POLR2L: variants seen among roughly 807,000 people sequenced by gnomAD.
POLR2L encodes the protein RNA polymerase II, I and III subunit L.
A neutral mutation model predicts 6.8 loss-of-function variants in POLR2L; 7 were observed. The ratio of observed to expected loss-of-function variants is 1.03; its 90% CI spans 0.59 to 1.94. The LOEUF (loss-of-function observed/expected upper bound fraction) is 1.94, where lower values mean the gene tolerates loss of function less well. Ranked by LOEUF, POLR2L falls within the 30% of genes most tolerant of loss-of-function variation. The pLI is 0.00. For synonymous variants in POLR2L, 59 were observed against 39.8 expected (o/e 1.48, Z -1.82); for missense variants, 93 against 86.7 (o/e 1.07, Z -0.29).
chr11:840,528 C>T (rs892069629), intron 1 of POLR2L, 48 bp from the exon 2 acceptor site: 1 of 1,353,218 alleles, frequency 7.4e-7, no homozygotes, highest in Non-Finnish European at 1.1e-6. Flanking sequence ...CTACGGTCTG[C>T]AAAGGCCTGG....
chr11:841,755 C>T (rs1168641725), intron 1 of POLR2L, among the ~76,000 whole-genome samples: 2 of 151,764 alleles, frequency 1.3e-5, no homozygotes, highest in Non-Finnish European at 2.9e-5. Context: ...AAAAATTAGC[C>T]GGGCGTGGTG....
intron 1 of POLR2L, among the ~76,000 whole-genome samples, chr11:840,950 C>G (rs1846949163): frequency 6.6e-6 from 1 of 152,132 alleles, no homozygotes; most frequent in East Asian, 1.9e-4. Flanking sequence ...CCTCTGCTTC[C>G]TTCCATCAGA....
Position 842,470 on chromosome 11 carries a change from G to T in POLR2L, c.39C>A (p.Ile13=). The T allele has an allele frequency of 6.3e-7, 1 of 1,596,598 alleles. No homozygotes were observed. Among genetic ancestry groups the T allele is most frequent in the Non-Finnish European group, 8.5e-7 (1 of 1,173,232 alleles). The change falls in exon 1 of 2, where the codon ATC becomes ATA. Residue 13 remains isoleucine (I), a synonymous_variant. Transcript: ENST00000322028. ...IPVRCFTCGK[I]VGNKWEAYLG... ...GGTAAGCCTCCCACTTGTTGCCGACGATCTTGCCACAAGTGAAGCAGCGTA... is the reference window on the plus strand; with the variant it reads ...GGTAAGCCTCCCACTTGTTGCCGACTATCTTGCCACAAGTGAAGCAGCGTA...
rs372609799 is a variant in POLR2L, at chr11:840,456, C to G, written c.120G>C (p.Leu40=). ...TEGDALDALG[L]KRYCCRRMLL... is the part of the protein sequence containing the mutation. ...GCATCCGGCGGCAGCAGTAGCGCTT[C>G]AGGCCCAGGGCATCCAGCGCATCCC... The change falls in exon 2 of 2, where the codon CTG becomes CTC. Residue 40 remains leucine (L), a synonymous_variant. Coordinates refer to ENST00000322028, the MANE Select transcript of POLR2L (RefSeq NM_021128.5). The G allele has an allele frequency of 1.9e-6, 3 of 1,611,430 alleles. No homozygotes were observed. In the African/African-American group the frequency reaches 4.0e-5, roughly 22 times the overall value.
chr11:840,508 A>G (rs936160463), intron 1 of POLR2L, 28 bp from the exon 2 acceptor site: 1 of 1,489,352 alleles, frequency 6.7e-7, no homozygotes, highest in Non-Finnish European at 9.3e-7. Context: ...GCAGAGGCCA[A>G]CTGAGTTCTC....
intron 1 of POLR2L, 107 bp from the exon 2 acceptor site, chr11:840,587 G>A (rs79932286): frequency 3.4e-5 from 24 of 709,884 alleles, no homozygotes; most frequent in Admixed American, 2.0e-4. Context: ...CACCCCCCCC[G>A]CCACCGGCAA....
intron 1 of POLR2L, among the ~76,000 whole-genome samples, chr11:841,760 G>T (rs527639829): frequency 6.6e-6 from 1 of 152,174 alleles, no homozygotes; most frequent in South Asian, 2.1e-4. Flanking sequence ...TTAGCCGGGC[G>T]TGGTGGCACA....
chr11:841,992 C>T (rs958467325), intron 1 of POLR2L, among the ~76,000 whole-genome samples: 3 of 152,246 alleles, frequency 2.0e-5, no homozygotes, highest in Non-Finnish European at 4.4e-5. Context: ...AAGCAAGCCT[C>T]TCGCCTCGGC....
chr11:842,412 A>G lies in POLR2L; in HGVS notation c.95+2T>C. 1 of 1,569,858 alleles carries G rather than the reference A, an allele frequency of 6.4e-7. No individual in the cohort carries two copies. The highest frequency in any genetic ancestry group is 1.8e-5 in the Admixed American group (1 of 54,928). ...AGCCCCTAGCCCCGGCCCGCGCCTCACCCCTCGGTGTACTCGGCCTGCAGC... is the reference window on the plus strand; with the variant it reads ...AGCCCCTAGCCCCGGCCCGCGCCTCGCCCCTCGGTGTACTCGGCCTGCAGC... On this transcript the variant is annotated splice_donor_variant, in intron 1 of 1. Transcript: ENST00000322028. LOFTEE classifies it high-confidence loss of function.
chr11:840,566 C>T, intron 1 of POLR2L, 86 bp from the exon 2 acceptor site: 1 of 887,876 alleles, frequency 1.1e-6, no homozygotes, highest in South Asian at 1.4e-5. Flanking sequence ...CCTCTCACTG[C>T]CTGCTGGCCT....
At chr11:842,359 G>C in intron 1 of POLR2L, 55 bp downstream of exon 1, 1 of 1,387,446 alleles carries the variant, frequency 7.2e-7, no homozygotes, top group East Asian at 2.9e-5. Flanking sequence ...TCAGCCCCCA[G>C]CCCCGGCCCG....
At chr11:841,126 T>A (rs1041686579) in intron 1 of POLR2L, among the ~76,000 whole-genome samples, 1 of 152,190 alleles carries the variant, frequency 6.6e-6, no homozygotes, top group East Asian at 1.9e-4. Flanking sequence ...GGAGGCCACA[T>A]GGGAGGCCCC....
At chr11:842,222 G>A (rs1846990812) in intron 1 of POLR2L, among the ~76,000 whole-genome samples, 192 bp downstream of exon 1, 2 of 152,224 alleles carry the variant, frequency 1.3e-5, no homozygotes, top group Non-Finnish European at 2.9e-5. Context: ...CCAGACTTCA[G>A]GGGATAAGGT....
exon 1 of POLR2L, chr11:842,516 GCGCGTCCCAGACTGC>G (rs1180966137): frequency 1.3e-6 from 2 of 1,572,370 alleles, no homozygotes; most frequent in Non-Finnish European, 1.7e-6. Context: ...CATGGCGGCG[GCGCGTCCCAGACTGC>G]CCGGCCCGGC....
chr11:841,600 G>A (rs1008343461), intron 1 of POLR2L, among the ~76,000 whole-genome samples: 1 of 152,142 alleles, frequency 6.6e-6, no homozygotes, highest in African/African-American at 2.4e-5. Flanking sequence ...GCCATGTCCG[G>A]CGAATTAAAA....
intron 1 of POLR2L, among the ~76,000 whole-genome samples, chr11:840,976 C>T (rs1327361778): frequency 6.6e-6 from 1 of 152,072 alleles, no homozygotes; most frequent in East Asian, 1.9e-4. Context: ...ACTGCTTCTC[C>T]ACGGAGCCAC....
At chr11:841,449 CGT>C (rs1209819316) in intron 1 of POLR2L, among the ~76,000 whole-genome samples, 2 of 151,928 alleles carry the variant, frequency 1.3e-5, no homozygotes, top group Non-Finnish European at 2.9e-5. Flanking sequence ...TGTGTGTGTG[CGT>C]GAGACGGAGT....
chr11:842,383 A>T (rs1846998507), intron 1 of POLR2L, 31 bp downstream of exon 1: 1 of 1,498,118 alleles, frequency 6.7e-7, no homozygotes, highest in Non-Finnish European at 9.0e-7. Flanking sequence ...CCCACGGCGG[A>T]CTCAGCCCCT....
chr11:840,349 C>T lies in POLR2L; in HGVS notation c.*23G>A, dbSNP rs531133620. On this transcript the variant is annotated 3_prime_UTR_variant, in exon 2 of 2. Transcript: ENST00000322028. ...CGCTCAGGGCCCATGGTCAGCACAG[C>T]GGGTGGGTGGGTTCCAGCGTGGTCA... 105 of 1,472,322 alleles carry T rather than the reference C, an allele frequency of 7.1e-5. No homozygotes were observed. In the African/African-American group the frequency reaches 1.2e-3, roughly 17 times the overall value. 91.2% of individuals were successfully genotyped at this position (1,472,322 alleles called of 1,614,324 possible). A position where few individuals can be genotyped will look rare whatever the true frequency, so the allele number is the denominator to read the frequency against.
Sources: allele counts gnomAD v4.1 joint callset (sites outside exome capture counted in the v4.1 genomes callset), GRCh38; gene constraint gnomAD v4.1.1; transcripts MANE v1.5; gene names NCBI Gene and HGNC (gene_info 2026-07-23, HGNC 2026-07-21).